The following SCN8A variants were observed in gnomAD, a reference collection of about 807,000 sequenced individuals.
The protein encoded by SCN8A is sodium channel protein type 8 subunit alpha.
In SCN8A, 30 loss-of-function variants were observed where a neutral mutation model predicts 184.1. The ratio of observed to expected loss-of-function variants is 0.16; its 90% CI spans 0.12 to 0.22. The LOEUF (loss-of-function observed/expected upper bound fraction) is 0.22, where lower values mean the gene tolerates loss of function less well. SCN8A is among the 10% of genes least tolerant of loss of function. The pLI is 1.00. For synonymous variants in SCN8A, 852 were observed against 907.0 expected, an observed-to-expected ratio of 0.94 and a Z score of 1.09; for missense variants, 1,057 against 2,498.9, an observed-to-expected ratio of 0.42 and a Z score of 12.30.
At position 51,656,718 on chromosome 12, in the gene SCN8A, C is replaced by G. The variant is rs541083446; in HGVS notation, c.-54-6046C>G. On this transcript the variant is annotated intron_variant, in intron 1 of 26. Transcript: ENST00000627620. Reference sequence around the variant, plus strand: ...ATCATCAGACAAATACAAATTTAGACAAGAGTGAGCCAACAAACATGAGAA... The same window carrying G: ...ATCATCAGACAAATACAAATTTAGAGAAGAGTGAGCCAACAAACATGAGAA... 1.3e-4 allele frequency among the ~76,000 whole-genome samples: 19 copies of G among 151,790 alleles called. No individual in the cohort carries two copies. The East Asian group carries it at 3.1e-3, about 25-fold the overall frequency.
chr12:51,714,563 GCCTT>G, intron 11 of SCN8A, among the ~76,000 whole-genome samples: 1 of 152,252 alleles, frequency 6.6e-6, no homozygotes, highest in Admixed American at 6.5e-5. Context: ...GACCTCATGA[GCCTT>G]CCTTAAAAGG....
intron 13 of SCN8A, among the ~76,000 whole-genome samples, chr12:51,746,816 T>C (rs1158679418): frequency 1.3e-5 from 2 of 152,200 alleles, no homozygotes; most frequent in African/African-American, 4.8e-5. Context: ...ATCTGCATGC[T>C]TTCTTTAGAG....
At chr12:51,629,532 C>T (rs1940151877) in intron 1 of SCN8A, among the ~76,000 whole-genome samples, 1 of 141,232 alleles carries the variant, frequency 7.1e-6, no homozygotes, top group Non-Finnish European at 1.5e-5. Context: ...CCTTGCAACT[C>T]TGGTAATTTA....
intron 1 of SCN8A, among the ~76,000 whole-genome samples, chr12:51,628,778 A>C (rs142937863): frequency 3.3e-5 from 5 of 152,268 alleles, no homozygotes; most frequent in African/African-American, 1.2e-4. Flanking sequence ...GCAGATACCC[A>C]CCTGTTTCAT....
chr12:51,792,856 C>A (rs891763949), intron 25 of SCN8A, among the ~76,000 whole-genome samples: 5 of 152,176 alleles, frequency 3.3e-5, no homozygotes, highest in African/African-American at 1.2e-4. Context: ...AATTCTCGTG[C>A]CTCAGCCTCC....
intron 13 of SCN8A, among the ~76,000 whole-genome samples, chr12:51,747,351 C>A (rs1018465155): frequency 6.6e-6 from 1 of 152,144 alleles, no homozygotes; most frequent in Non-Finnish European, 1.5e-5. Flanking sequence ...AGAACATCTT[C>A]AAGCTTTGTA....
chr12:51,810,526 A>G lies in SCN8A; in HGVS notation c.*3097A>G, dbSNP rs1378995204. ...GCAGCCACAGTATCACTGCACATATATATATAGATATATAAATATAATATA... is the reference window on the plus strand; with the variant it reads ...GCAGCCACAGTATCACTGCACATATGTATATAGATATATAAATATAATATA... On this transcript the variant is annotated 3_prime_UTR_variant, in exon 27 of 27. Coordinates refer to ENST00000627620, the MANE Select transcript of SCN8A (RefSeq NM_001330260.2). 2.5e-5 allele frequency: 5 copies of G among 204,006 alleles called. No homozygotes were observed. The highest frequency in any genetic ancestry group is 5.0e-5 in the Non-Finnish European group (5 of 100,336). 12.6% of individuals were successfully genotyped at this position (204,006 alleles called of 1,614,324 possible). A position where few individuals can be genotyped will look rare whatever the true frequency, so the allele number is the denominator to read the frequency against.
At chr12:51,629,496 C>T (rs1940151132) in intron 1 of SCN8A, among the ~76,000 whole-genome samples, 4 of 150,768 alleles carry the variant, frequency 2.7e-5, no homozygotes, top group Admixed American at 2.0e-4. Flanking sequence ...AGGTATAGAA[C>T]CTCTGGGCTA....
chr12:51,638,134 C>T, intron 1 of SCN8A, among the ~76,000 whole-genome samples: 1 of 151,906 alleles, frequency 6.6e-6, no homozygotes, highest in Non-Finnish European at 1.5e-5. Flanking sequence ...ACCTACTGCT[C>T]AGAAAAAAAA....
chr12:51,618,157 G>A (rs1266252862), intron 1 of SCN8A, among the ~76,000 whole-genome samples: 1 of 152,034 alleles, frequency 6.6e-6, no homozygotes, highest in South Asian at 2.1e-4. Context: ...GGCAAGATAC[G>A]GAGAGTCAAC....
At chr12:51,677,326 G>A (rs996444949) in intron 2 of SCN8A, among the ~76,000 whole-genome samples, 3 of 151,948 alleles carry the variant, frequency 2.0e-5, no homozygotes, top group African/African-American at 7.3e-5. Flanking sequence ...GGGCTCAAGC[G>A]ATCTTCCCTT....
At chr12:51,655,827 A>G (rs1293229960) in intron 1 of SCN8A, among the ~76,000 whole-genome samples, 3 of 152,212 alleles carry the variant, frequency 2.0e-5, no homozygotes, top group Admixed American at 2.0e-4. Context: ...TGCCTGTGTC[A>G]TCTTTAGCAC....
intron 1 of SCN8A, among the ~76,000 whole-genome samples, chr12:51,657,854 G>A (rs1940853457): frequency 6.6e-6 from 1 of 151,966 alleles, no homozygotes; most frequent in Non-Finnish European, 1.5e-5. Flanking sequence ...AGTTTTCCCG[G>A]CACCATTTAT....
At chr12:51,740,599 C>G (rs1321938977) in intron 12 of SCN8A, among the ~76,000 whole-genome samples, 2 of 152,184 alleles carry the variant, frequency 1.3e-5, no homozygotes, top group Non-Finnish European at 2.9e-5. Context: ...AATCCATGTG[C>G]TAAGGGCAAT....
chr12:51,739,282 C>A lies in SCN8A; in HGVS notation c.1999-6621C>A, dbSNP rs1223337082. 5.3e-5 allele frequency among the ~76,000 whole-genome samples: 8 copies of A among 152,216 alleles called. No homozygotes were observed. The East Asian group carries it at 1.2e-3, about 22-fold the overall frequency. ...AGGGAACCGCCAAACCTCTAAATCACCCTCTCGTATAGCTTGCTGAATTCC... is the reference window on the plus strand; with the variant it reads ...AGGGAACCGCCAAACCTCTAAATCAACCTCTCGTATAGCTTGCTGAATTCC... On this transcript the variant is annotated intron_variant, in intron 12 of 26. Transcript: ENST00000627620.
At chr12:51,751,701 T>G (rs1475698985) in intron 14 of SCN8A, 108 bp downstream of exon 14, 2 of 816,602 alleles carry the variant, frequency 2.4e-6, no homozygotes, top group East Asian at 2.7e-5. Context: ...AAAGTAATAG[T>G]TAATTGGAAG....
intron 6 of SCN8A, among the ~76,000 whole-genome samples, chr12:51,696,200 T>C (rs1941589849): frequency 6.6e-6 from 1 of 152,208 alleles, no homozygotes; most frequent in Admixed American, 6.5e-5. Flanking sequence ...CTGAATCGTC[T>C]GGAGAGATGG....
rs1181966357 is a variant in SCN8A at position 51,810,413 on chromosome 12, A to C, written c.*2984A>C. On this transcript the variant is annotated 3_prime_UTR_variant, in exon 27 of 27. Coordinates refer to ENST00000627620, the MANE Select transcript of SCN8A (RefSeq NM_001330260.2). The stretch of plus-strand genomic sequence containing the variant: ...CAGTTAACAGGCATCGAACTGAAAG[A>C]ATCAGTGATGACGTTTTTGTGCATC... The C allele has an allele frequency of 4.4e-6, 2 of 453,658 alleles. No homozygotes were observed. Among genetic ancestry groups the C allele is most frequent in the Non-Finnish European group, 8.8e-6 (2 of 226,020 alleles). The allele number at this position is 453,658 out of a possible 1,614,324, so 28.1% of individuals were successfully genotyped here.
intron 1 of SCN8A, among the ~76,000 whole-genome samples, chr12:51,614,845 AATTGT>A (rs953158376): frequency 6.6e-6 from 1 of 151,066 alleles, no homozygotes; most frequent in African/African-American, 2.4e-5. Context: ...TTTTTGAAAA[AATTGT>A]ATTGTGGTAA....
Sources: gnomAD v4.1 joint callset for allele counts (sites outside exome capture counted in the v4.1 genomes callset) on GRCh38, gnomAD v4.1.1 for gene constraint, MANE v1.5 for transcripts, NCBI Gene and HGNC (gene_info 2026-07-23, HGNC 2026-07-21) for gene names.